Variants in MAML2 observed in about 807,000 individuals in gnomAD.
MAML2 encodes the protein mastermind like transcriptional coactivator 2.
MAML2 carries 22 observed loss-of-function variants against 96.1 expected under a neutral mutation model. The observed-to-expected ratio is 0.23, with a 90% CI of 0.16 to 0.33. The LOEUF (loss-of-function observed/expected upper bound fraction) is 0.33, where lower values mean the gene tolerates loss of function less well. Ranked by LOEUF, MAML2 falls within the 10% of genes least tolerant of loss-of-function variation. The pLI is 1.00. For synonymous variants in MAML2, 561 were observed against 521.3 expected (o/e 1.08, Z -1.04); for missense variants, 1,367 against 1,392.4 (o/e 0.98, Z 0.29).
At position 96,143,495 on chromosome 11, in the gene MAML2, G is replaced by T. The variant is rs1197833842; in HGVS notation, c.514-49978C>A. 7.9e-5 allele frequency among the ~76,000 whole-genome samples: 12 copies of T among 152,106 alleles called. No individual in the cohort carries two copies. The East Asian group carries it at 2.3e-3, about 29-fold the overall frequency. On this transcript the variant is annotated intron_variant, in intron 1 of 4. Transcript: ENST00000524717. ...GTCTAGTTTTATCCGAAGCTGCAGG[G>T]ATTTCCGATTTCCATAAATTTCTCT...
At chr11:96,091,499 A>G (rs1260834806) in intron 2 of MAML2, among the ~76,000 whole-genome samples, 2 of 152,248 alleles carry the variant, frequency 1.3e-5, no homozygotes, top group African/African-American at 4.8e-5. Flanking sequence ...GCTTTATTCA[A>G]TACTCAGCAT....
intron 1 of MAML2, among the ~76,000 whole-genome samples, chr11:96,106,980 CTT>C (rs71040129): frequency 2.2e-5 from 2 of 90,298 alleles, no homozygotes; most frequent in Admixed American, 3.1e-4. Flanking sequence ...GAAAAGAGTC[CTT>C]TTTTTTTTTT....
At chr11:96,229,615 G>A (rs752307817) in intron 1 of MAML2, among the ~76,000 whole-genome samples, 9 of 149,646 alleles carry the variant, frequency 6.0e-5, no homozygotes, top group Admixed American at 4.0e-4. Flanking sequence ...ATGGTGCCTT[G>A]ACTACATATC....
rs1252833526 is a variant in MAML2 at position 96,039,319 on chromosome 11, GGAGGA to G, written c.2140-47601_2140-47597del. Among the ~76,000 whole-genome samples the G allele has an allele frequency of 2.8e-5, 4 of 145,358 alleles. No homozygotes were observed. The East Asian group carries it at 8.3e-4, about 30-fold the overall frequency. On this transcript the variant is annotated intron_variant, in intron 2 of 4. Coordinates refer to ENST00000524717, the MANE Select transcript of MAML2 (RefSeq NM_032427.4). ...GAGAAGAGAGAAGAGAGGGGAGAGAGGAGGAGAGGAGGGGAGGGGAGAGGAGAGAG... is the reference window on the plus strand; with the variant it reads ...GAGAAGAGAGAAGAGAGGGGAGAGAGGAGGAGGGGAGGGGAGAGGAGAGAG...
intron 1 of MAML2, among the ~76,000 whole-genome samples, chr11:96,184,220 A>T (rs893813648): frequency 2.6e-5 from 4 of 152,188 alleles, no homozygotes; most frequent in Non-Finnish European, 5.9e-5. Flanking sequence ...AGGTGGGCAG[A>T]TCACGAGGTC....
At chr11:95,998,358 C>T (rs1417657091) in intron 2 of MAML2, among the ~76,000 whole-genome samples, 1 of 152,146 alleles carries the variant, frequency 6.6e-6, no homozygotes, top group East Asian at 1.9e-4. Flanking sequence ...GAACTCCAAG[C>T]TGCTATTCTT....
At chr11:96,130,863 C>T (rs1053016947) in intron 1 of MAML2, among the ~76,000 whole-genome samples, 9 of 151,680 alleles carry the variant, frequency 5.9e-5, no homozygotes, top group East Asian at 1.9e-4. Flanking sequence ...CTTTGTCCTA[C>T]ACCAATTGTC....
intron 1 of MAML2, among the ~76,000 whole-genome samples, chr11:96,339,916 C>T (rs1239277362): frequency 3.9e-5 from 6 of 152,162 alleles, no homozygotes; most frequent in East Asian, 1.9e-4. Flanking sequence ...TATTAGGCTT[C>T]GAAGCTCTAA....
intron 2 of MAML2, among the ~76,000 whole-genome samples, chr11:96,037,211 A>AAAC (rs1565195983): frequency 6.6e-6 from 1 of 152,148 alleles, no homozygotes; most frequent in East Asian, 1.9e-4. Context: ...ACAACAAAAA[A>AAAC]AATAACTCTG....
chr11:96,222,204 C>T (rs1317589947), intron 1 of MAML2, among the ~76,000 whole-genome samples: 1 of 152,170 alleles, frequency 6.6e-6, no homozygotes, highest in African/African-American at 2.4e-5. Context: ...TCAGGGATAG[C>T]ACTATGCTTG....
intron 3 of MAML2, among the ~76,000 whole-genome samples, chr11:95,989,771 C>T (rs116788386): frequency 6.6e-6 from 1 of 152,188 alleles, no homozygotes; most frequent in Non-Finnish European, 1.5e-5. Flanking sequence ...CAGTATTCAA[C>T]GTCATCTGTA....
At chr11:96,111,559 A>G (rs183031972) in intron 1 of MAML2, among the ~76,000 whole-genome samples, 25 of 152,362 alleles carry the variant, frequency 1.6e-4, no homozygotes, top group Non-Finnish European at 3.5e-4. Context: ...CAAGTTGCTA[A>G]GACCACAGCT....
intron 2 of MAML2, among the ~76,000 whole-genome samples, chr11:96,062,101 A>C (rs1859170813): frequency 6.6e-6 from 1 of 152,224 alleles, no homozygotes; most frequent in Admixed American, 6.5e-5. Context: ...GTCTTTTCTG[A>C]TAAATTTAAT....
intron 1 of MAML2, among the ~76,000 whole-genome samples, chr11:96,125,651 T>A (rs989120134): frequency 2.6e-5 from 4 of 152,160 alleles, no homozygotes; most frequent in Non-Finnish European, 5.9e-5. Context: ...TTCGTGTTAT[T>A]TATGATCCAA....
chr11:96,318,341 A>C (rs1183646391), intron 1 of MAML2, among the ~76,000 whole-genome samples: 1 of 152,208 alleles, frequency 6.6e-6, no homozygotes, highest in African/African-American at 2.4e-5. Flanking sequence ...ACTTATGACT[A>C]AAATCCGATA....
chr11:96,017,556 A>T (rs1181258916), intron 2 of MAML2, among the ~76,000 whole-genome samples: 2 of 152,238 alleles, frequency 1.3e-5, no homozygotes, highest in African/African-American at 4.8e-5. Context: ...ACATTTTAAC[A>T]AATAATATAT....
chr11:96,331,794 G>A (rs1198358821), intron 1 of MAML2, among the ~76,000 whole-genome samples: 3 of 150,156 alleles, frequency 2.0e-5, no homozygotes, highest in Non-Finnish European at 4.4e-5. Flanking sequence ...CTCCAGCGTG[G>A]GCGAAAGAGT....
intron 1 of MAML2, among the ~76,000 whole-genome samples, chr11:96,312,001 GAGGCCGAGGC>G (rs1054294065): frequency 5.9e-5 from 9 of 151,840 alleles, no homozygotes; most frequent in African/African-American, 2.2e-4. Context: ...AGCACTTTGG[GAGGCCGAGGC>G]AGGTTCAAAA....
At chr11:96,079,933 G>T (rs1247591082) in intron 2 of MAML2, among the ~76,000 whole-genome samples, 2 of 152,184 alleles carry the variant, frequency 1.3e-5, no homozygotes, top group Admixed American at 1.3e-4. Context: ...GTGGAGATGA[G>T]ATGTATCAGT....
Sources: gnomAD v4.1 joint callset for allele counts (sites outside exome capture counted in the v4.1 genomes callset) on GRCh38, gnomAD v4.1.1 for gene constraint, MANE v1.5 for transcripts, NCBI Gene and HGNC (gene_info 2026-07-23, HGNC 2026-07-21) for gene names.